IBSP: variants seen among roughly 807,000 people sequenced by gnomAD.
IBSP encodes the protein integrin binding sialoprotein, also known as integrin-binding sialoprotein.
In IBSP, 19 loss-of-function variants were observed where a neutral mutation model predicts 25.5. The observed-to-expected ratio is 0.74, with a 90% CI of 0.52 to 1.09. The LOEUF is 1.09. Ranked by LOEUF, IBSP falls within the 50% of genes least tolerant of loss-of-function variation. The pLI is 0.00. For synonymous variants in IBSP, 144 were observed against 137.6 expected (o/e 1.05, Z -0.33); for missense variants, 360 against 382.3 (o/e 0.94, Z 0.49).
At position 87,799,565 on chromosome 4, in the gene IBSP, C is replaced by T. The variant is rs115058250; in HGVS notation, c.-83C>T. 1.3e-5 allele frequency: 2 copies of T among 152,070 alleles called. No individual in the cohort carries two copies. The highest frequency in any genetic ancestry group is 1.3e-4 in the Admixed American group (2 of 15,232). The allele number at this position is 152,070 out of a possible 1,614,324, so 9.4% of individuals were successfully genotyped here. On this transcript the variant is annotated 5_prime_UTR_variant, in exon 1 of 7. Coordinates refer to ENST00000226284, the MANE Select transcript of IBSP (RefSeq NM_004967.4). The stretch of plus-strand genomic sequence containing the variant: ...GCAAGTGAATGAGTGAGTGAGAGGG[C>T]AGAGGAAATACTCAATCTGTGCCAC...
intron 1 of IBSP, among the ~76,000 whole-genome samples, chr4:87,801,999 G>C (rs1160373625): frequency 1.3e-5 from 2 of 152,106 alleles, no homozygotes; most frequent in Non-Finnish European, 2.9e-5. Flanking sequence ...AATTCACTTA[G>C]CTGACACTCC....
intron 5 of IBSP, among the ~76,000 whole-genome samples, chr4:87,810,216 C>G (rs111903679): frequency 2.6e-5 from 4 of 151,822 alleles, no homozygotes; most frequent in African/African-American, 4.8e-5. Context: ...GAGCATGACT[C>G]TGCAAAAACA....
At chr4:87,809,995 G>T (rs1486685395) in intron 5 of IBSP, among the ~76,000 whole-genome samples, 1 of 152,202 alleles carries the variant, frequency 6.6e-6, no homozygotes, top group Non-Finnish European at 1.5e-5. Context: ...ACTTTGGGAG[G>T]TTGAGGCGGG....
chr4:87,802,727 T>G lies in IBSP; in HGVS notation c.179T>G (p.Val60Gly). 1 of 1,529,224 alleles carries G rather than the reference T, an allele frequency of 6.5e-7. No homozygotes were observed. Among genetic ancestry groups the G allele is most frequent in the South Asian group, 1.3e-5 (1 of 76,940 alleles). The allele number at this position is 1,529,224 out of a possible 1,614,324, so 94.7% of individuals were successfully genotyped here. ...YFYPHLKRFP[V>G]QGSSDSSEEN... ...TATCCTCATTTAAAACGATTTCCAG[T>G]TCAGGTAAATATAGAAATTCATTTT... Residue 60 changes from valine to glycine, a missense_variant, in exon 4 of 7, where the codon GTT (valine) becomes GGT (glycine). By Grantham distance (109) the Val-to-Gly change is moderately radical (BLOSUM62 -3). Coordinates refer to ENST00000226284, the MANE Select transcript of IBSP (RefSeq NM_004967.4).
intron 5 of IBSP, 149 bp downstream of exon 5, chr4:87,806,333 T>C (rs1722089388): frequency 3.0e-6 from 2 of 664,574 alleles, no homozygotes; most frequent in Non-Finnish European, 5.3e-6. Flanking sequence ...AGAATTTTAT[T>C]TAAATTAGGA....
chr4:87,810,808 A>T, intron 6 of IBSP, 44 bp downstream of exon 6: 26 of 1,515,786 alleles, frequency 1.7e-5, no homozygotes, highest in Non-Finnish European at 2.3e-5. Context: ...ATTACCATTA[A>T]TAATAATGGT....
At chr4:87,809,624 A>C (rs1262082234) in intron 5 of IBSP, among the ~76,000 whole-genome samples, 1 of 152,214 alleles carries the variant, frequency 6.6e-6, no homozygotes, top group Non-Finnish European at 1.5e-5. Context: ...GAAATTTACA[A>C]ATTTGATGAA....
rs3842592 is a variant in IBSP, at chr4:87,800,603, C to CT, written c.-15+971dup. On this transcript the variant is annotated intron_variant, in intron 1 of 6. Coordinates refer to ENST00000226284, the MANE Select transcript of IBSP (RefSeq NM_004967.4). ...AGATGGGCTCCTTCAGGAGCAAAGC[C>CT]TGTTTATTCCCAAGGGGCCATCAAG... Among the ~76,000 whole-genome samples the CT allele has an allele frequency of 1.1e-3, 165 of 152,220 alleles. 1 individual carries two copies. The East Asian group carries it at 0.016, about 15-fold the overall frequency.
At chr4:87,804,311 T>G (rs1473461291) in intron 4 of IBSP, among the ~76,000 whole-genome samples, 1 of 152,210 alleles carries the variant, frequency 6.6e-6, no homozygotes, top group African/African-American at 2.4e-5. Flanking sequence ...GTATTGGCTT[T>G]GAAATTCATG....
chr4:87,806,883 TA>T (rs1722096405), intron 5 of IBSP, among the ~76,000 whole-genome samples: 1 of 151,970 alleles, frequency 6.6e-6, no homozygotes, highest in African/African-American at 2.4e-5. Flanking sequence ...CATACACCTG[TA>T]ATTCCTGTCA....
rs138495712 is a variant in IBSP, at chr4:87,810,394, T to C, written c.247-212T>C. On this transcript the variant is annotated intron_variant, in intron 5 of 6. Coordinates refer to ENST00000226284, the MANE Select transcript of IBSP (RefSeq NM_004967.4). The stretch of plus-strand genomic sequence containing the variant: ...GCAGAAATATCTAAAACATATAGTG[T>C]GGAGTAAGGAGGATTCAATAACTTG... Among the ~76,000 whole-genome samples the C allele has an allele frequency of 1.7e-4, 26 of 152,228 alleles. No homozygotes were observed. In the East Asian group the frequency reaches 4.8e-3, roughly 28 times the overall value.
intron 5 of IBSP, among the ~76,000 whole-genome samples, chr4:87,809,883 T>C (rs1285001585): frequency 6.6e-6 from 1 of 152,114 alleles, no homozygotes; most frequent in Non-Finnish European, 1.5e-5. Flanking sequence ...GGCTAAAAGA[T>C]TAAATATTAA....
chr4:87,803,777 T>C (rs570617917), intron 4 of IBSP, among the ~76,000 whole-genome samples: 1 of 150,862 alleles, frequency 6.6e-6, no homozygotes, highest in African/African-American at 2.5e-5. Flanking sequence ...GAGTTGTGGG[T>C]TTTCAGAATT....
chr4:87,811,652 TGGTG>T lies in IBSP; in HGVS notation c.700_703del (p.Gly234LeufsTer112), dbSNP rs763365378. On this transcript the variant is annotated frameshift_variant, in exon 7 of 7. Transcript: ENST00000226284. LOFTEE classifies it low-confidence loss of function (END_TRUNC). ...CCTCGAAGACAACAACCTCTCCAAATGGTGGGTTTGAACCTACAACCCCACCACA... is the reference window on the plus strand; with the variant it reads ...CCTCGAAGACAACAACCTCTCCAAATGGTTTGAACCTACAACCCCACCACA... 1 of 1,613,644 alleles carries T rather than the reference TGGTG, an allele frequency of 6.2e-7. No homozygotes were observed. Among genetic ancestry groups the T allele is most frequent in the South Asian group, 1.1e-5 (1 of 91,024 alleles).
Position 87,802,564 on chromosome 4 carries a change from T to A in IBSP, c.105+6T>A. On this transcript the variant is annotated splice_donor_region_variant and intron_variant, in intron 3 of 6. Transcript: ENST00000226284. The stretch of plus-strand genomic sequence containing the variant: ...AGGATTCTGAAGAAAATGGGGTAAT[T>A]AATTTTAGCATACTTCCTTGGCCTG... 1 of 1,601,950 alleles carries A rather than the reference T, an allele frequency of 6.2e-7. No homozygotes were observed. Among genetic ancestry groups the A allele is most frequent in the Non-Finnish European group, 8.5e-7 (1 of 1,175,020 alleles).
intron 1 of IBSP, among the ~76,000 whole-genome samples, chr4:87,801,164 C>T (rs1722008761): frequency 6.6e-6 from 1 of 152,034 alleles, no homozygotes; most frequent in African/African-American, 2.4e-5. Flanking sequence ...AGGCCCTATT[C>T]CCACTTTGAG....
chr4:87,800,326 T>C (rs2110055224), intron 1 of IBSP, among the ~76,000 whole-genome samples: 1 of 152,312 alleles, frequency 6.6e-6, no homozygotes, highest in East Asian at 1.9e-4. Flanking sequence ...TTCTTTGTAT[T>C]GTTATTATTA....
In IBSP at chr4:87,811,666, C is replaced by T. The variant is rs140719771; in HGVS notation, c.710C>T (p.Pro237Leu). ...TTTSPNGGFE[P>L]TTPPQVYRTT... ...ACCTCTCCAAATGGTGGGTTTGAAC[C>T]TACAACCCCACCACAAGTCTATAGA... is the stretch of plus-strand genomic sequence containing the variant. Residue 237 changes from proline (P) to leucine (L), a missense_variant, in exon 7 of 7, where the codon CCT becomes CTT. Physicochemically the swap from Pro to Leu is moderately conservative, Grantham distance 98. Coordinates refer to ENST00000226284, the MANE Select transcript of IBSP (RefSeq NM_004967.4). 2 of 1,613,686 alleles carry T rather than the reference C, an allele frequency of 1.2e-6. No homozygotes were observed. Among genetic ancestry groups the T allele is most frequent in the African/African-American group, 1.3e-5 (1 of 74,836 alleles).
At chr4:87,801,408 G>A (rs544648267) in intron 1 of IBSP, among the ~76,000 whole-genome samples, 1 of 151,746 alleles carries the variant, frequency 6.6e-6, no homozygotes, top group African/African-American at 2.4e-5. Context: ...CGTGCTACAT[G>A]ATGTCAGTGT....
Sources: gnomAD v4.1 joint callset for allele counts (sites outside exome capture counted in the v4.1 genomes callset) on GRCh38, gnomAD v4.1.1 for gene constraint, MANE v1.5 for transcripts, NCBI Gene and HGNC (gene_info 2026-07-23, HGNC 2026-07-21) for gene names.